SPIDR: variants seen among roughly 807,000 people sequenced by gnomAD.
SPIDR encodes scaffold protein involved in DNA repair.
In SPIDR, 93 loss-of-function variants were observed where a neutral mutation model predicts 104.6. The ratio of observed to expected loss-of-function variants is 0.89; its 90% CI spans 0.75 to 1.06. SPIDR has a LOEUF of 1.06. Ranked by LOEUF, SPIDR falls within the 50% of genes least tolerant of loss-of-function variation. The pLI is 0.00. For missense variants in SPIDR, 1,154 were observed against 1,111.2 expected, an observed-to-expected ratio of 1.04 and a Z score of -0.55; for synonymous variants, 431 against 416.9, an observed-to-expected ratio of 1.03 and a Z score of -0.41.
chr8:47,396,694 AATGTT>A (rs2061288284), intron 6 of SPIDR, 68 bp downstream of exon 6: 1 of 1,440,594 alleles, frequency 6.9e-7, no homozygotes, highest in African/African-American at 1.4e-5. Context: ...AAATATCTAA[AATGTT>A]AATTTTAAGA....
chr8:47,598,710 G>A (rs946596133), intron 9 of SPIDR, among the ~76,000 whole-genome samples: 1 of 152,182 alleles, frequency 6.6e-6, no homozygotes, highest in African/African-American at 2.4e-5. Context: ...CAAACATCCT[G>A]CTGTGGTCCT....
intron 10 of SPIDR, among the ~76,000 whole-genome samples, chr8:47,633,689 A>G (rs2067430939): frequency 6.6e-6 from 1 of 152,188 alleles, no homozygotes; most frequent in Non-Finnish European, 1.5e-5. Flanking sequence ...GGTGGGAGAT[A>G]CTGTTTACTG....
chr8:47,265,743 G>T (rs1554546142), intron 1 of SPIDR, among the ~76,000 whole-genome samples: 1 of 152,134 alleles, frequency 6.6e-6, no homozygotes, highest in African/African-American at 2.4e-5. Flanking sequence ...ACAGACAATT[G>T]TGAGTAATAT....
chr8:47,349,256 T>G (rs1296513090), intron 5 of SPIDR, among the ~76,000 whole-genome samples: 1 of 152,230 alleles, frequency 6.6e-6, no homozygotes, highest in Non-Finnish European at 1.5e-5. Flanking sequence ...CAGACCCTGT[T>G]TGCCTGGGGA....
At chr8:47,671,273 C>G (rs1408642473) in intron 10 of SPIDR, among the ~76,000 whole-genome samples, 7 of 152,018 alleles carry the variant, frequency 4.6e-5, no homozygotes, top group Non-Finnish European at 1.0e-4. Flanking sequence ...AGAAAATGCT[C>G]CTAGTTTTTC....
chr8:47,617,329 T>C (rs545206096), intron 10 of SPIDR, among the ~76,000 whole-genome samples: 150 of 152,184 alleles, frequency 9.9e-4, no homozygotes, highest in Non-Finnish European at 1.9e-3. Flanking sequence ...AGCAAGAGCA[T>C]TTGTGACATA....
chr8:47,697,247 C>T (rs930817602), intron 11 of SPIDR, among the ~76,000 whole-genome samples: 1 of 151,018 alleles, frequency 6.6e-6, no homozygotes, highest in African/African-American at 2.4e-5. Flanking sequence ...CATGATTGCT[C>T]CACTCCAGCC....
At chr8:47,569,486 A>AT (rs780416262) in intron 8 of SPIDR, among the ~76,000 whole-genome samples, 23 of 152,180 alleles carry the variant, frequency 1.5e-4, no homozygotes, top group Non-Finnish European at 2.4e-4. Flanking sequence ...CACATGGAAC[A>AT]TTTTCCAGGA....
At chr8:47,382,660 C>G (rs1164634492) in intron 5 of SPIDR, among the ~76,000 whole-genome samples, 5 of 152,186 alleles carry the variant, frequency 3.3e-5, no homozygotes, top group African/African-American at 1.2e-4. Context: ...ATCCACCCAC[C>G]TCGGCCTCCC....
At chr8:47,655,959 A>G (rs2072718824) in intron 10 of SPIDR, among the ~76,000 whole-genome samples, 2 of 152,194 alleles carry the variant, frequency 1.3e-5, no homozygotes, top group Admixed American at 6.5e-5. Flanking sequence ...AGGCAATTCA[A>G]TGGAGAAAGA....
rs115341032 is a variant in SPIDR, at chr8:47,612,230, C to T, written c.1544+13034C>T. Among the ~76,000 whole-genome samples, 251 of 152,268 alleles carry T rather than the reference C, an allele frequency of 1.6e-3. 1 individual carries two copies. Among genetic ancestry groups the T allele is most frequent in the African/African-American group, 5.8e-3 (241 of 41,544 alleles). On this transcript the variant is annotated intron_variant, in intron 10 of 19. Coordinates refer to ENST00000297423, the MANE Select transcript of SPIDR (RefSeq NM_001080394.4). ...CAGAAGTGGCTTATTCAGCTTTGTA[C>T]CTCGAGTCTTTGCACACAGGTAAGT...
intron 11 of SPIDR, among the ~76,000 whole-genome samples, chr8:47,699,388 A>T (rs1434336390): frequency 6.6e-6 from 1 of 152,182 alleles, no homozygotes; most frequent in Non-Finnish European, 1.5e-5. Context: ...CTTAAGCAAG[A>T]TGAGTTTCTT....
chr8:47,469,822 T>C (rs2075420601), intron 8 of SPIDR, among the ~76,000 whole-genome samples: 1 of 152,184 alleles, frequency 6.6e-6, no homozygotes, highest in Admixed American at 6.5e-5. Context: ...TTCTATTATA[T>C]GTTACCTATA....
intron 8 of SPIDR, among the ~76,000 whole-genome samples, chr8:47,570,959 T>C (rs996908270): frequency 6.6e-6 from 1 of 151,860 alleles, no homozygotes; most frequent in African/African-American, 2.4e-5. Flanking sequence ...GGTGTAGTGG[T>C]GGGCGCCTGT....
intron 5 of SPIDR, among the ~76,000 whole-genome samples, chr8:47,346,371 A>G (rs1554618051): frequency 6.6e-6 from 1 of 152,216 alleles, no homozygotes; most frequent in African/African-American, 2.4e-5. Flanking sequence ...TCAGTTTGCC[A>G]ATATTTAATT....
intron 5 of SPIDR, among the ~76,000 whole-genome samples, chr8:47,327,148 G>A (rs939951479): frequency 7.2e-5 from 11 of 152,078 alleles, no homozygotes; most frequent in Admixed American, 6.5e-5. Context: ...CCTAGTGGCT[G>A]TGAAATGATA....
At chr8:47,405,734 G>A (rs1178202207) in intron 6 of SPIDR, among the ~76,000 whole-genome samples, 1 of 152,188 alleles carries the variant, frequency 6.6e-6, no homozygotes, top group Non-Finnish European at 1.5e-5. Flanking sequence ...ACGTTCAAAA[G>A]AGTTAATTTG....
intron 7 of SPIDR, among the ~76,000 whole-genome samples, chr8:47,423,296 CAA>C (rs34511552): frequency 1.3e-3 from 169 of 129,050 alleles, no homozygotes; most frequent in South Asian, 1.8e-3. Flanking sequence ...GACTCTGTCT[CAA>C]AAAAAAAAAA....
At chr8:47,500,341 G>A (rs1470604413) in intron 8 of SPIDR, among the ~76,000 whole-genome samples, 2 of 152,162 alleles carry the variant, frequency 1.3e-5, no homozygotes, top group African/African-American at 4.8e-5. Flanking sequence ...CATTCTAACT[G>A]GTGTAAGATG....
Sources: gnomAD v4.1 joint callset for allele counts (sites outside exome capture counted in the v4.1 genomes callset) on GRCh38, gnomAD v4.1.1 for gene constraint, MANE v1.5 for transcripts, NCBI Gene and HGNC (gene_info 2026-07-23, HGNC 2026-07-21) for gene names.